The following NELL2 variants were observed in gnomAD, a reference collection of about 807,000 sequenced individuals.
NELL2 encodes neural EGFL like 2.
Under a neutral mutation model 109.6 loss-of-function variants are expected in NELL2, and 41 were observed. That is an observed-to-expected ratio of 0.37 (90% CI 0.29 to 0.49). The LOEUF is 0.49. Ranked by LOEUF, NELL2 falls within the 20% of genes least tolerant of loss-of-function variation. The pLI is 0.98. For missense variants in NELL2, 900 were observed against 1,008.3 expected (o/e 0.89, Z 1.45); for synonymous variants, 355 against 344.7 (o/e 1.03, Z -0.33).
intron 9 of NELL2, among the ~76,000 whole-genome samples, chr12:44,772,443 A>G (rs1410218036): frequency 6.6e-6 from 1 of 152,216 alleles, no homozygotes; most frequent in East Asian, 1.9e-4. Context: ...ACTTTTCAGA[A>G]GCACATTTTC....
intron 12 of NELL2, among the ~76,000 whole-genome samples, chr12:44,681,436 C>CT (rs1362202751): frequency 6.7e-6 from 1 of 149,710 alleles, no homozygotes; most frequent in Non-Finnish European, 1.5e-5. Flanking sequence ...TATTATTATA[C>CT]TTTAAGTTTT....
chr12:44,747,155 T>A (rs992297096), intron 9 of NELL2, among the ~76,000 whole-genome samples: 1 of 152,160 alleles, frequency 6.6e-6, no homozygotes, highest in Non-Finnish European at 1.5e-5. Context: ...TGTGGGGACA[T>A]GGATGAAACT....
intron 2 of NELL2, among the ~76,000 whole-genome samples, chr12:44,839,986 C>T (rs1944172992): frequency 6.6e-6 from 1 of 152,192 alleles, no homozygotes; most frequent in South Asian, 2.1e-4. Context: ...CCCTTTCAAC[C>T]TCATCCCGGG....
chr12:44,814,811 G>A (rs1171299945), intron 3 of NELL2, among the ~76,000 whole-genome samples: 3 of 152,144 alleles, frequency 2.0e-5, no homozygotes, highest in East Asian at 3.9e-4. Flanking sequence ...ATTTTCTTAC[G>A]TTTGCTCTTT....
chr12:44,882,303 G>A (rs1022898594), intron 1 of NELL2, among the ~76,000 whole-genome samples: 1 of 150,798 alleles, frequency 6.6e-6, no homozygotes, highest in African/African-American at 2.5e-5. Flanking sequence ...CCACAACTTT[G>A]GTGGATTAAA....
chr12:44,920,844 A>C (rs940040632), intron 1 of NELL2, among the ~76,000 whole-genome samples: 1 of 152,194 alleles, frequency 6.6e-6, no homozygotes, highest in Non-Finnish European at 1.5e-5. Context: ...AATCCATAAA[A>C]TGAAATACTT....
At chr12:44,868,435 G>A (rs1282937046) in intron 2 of NELL2, among the ~76,000 whole-genome samples, 2 of 152,038 alleles carry the variant, frequency 1.3e-5, no homozygotes, top group African/African-American at 4.8e-5. Context: ...TCATCCATTG[G>A]TGACCATTAA....
chr12:44,533,865 CAT>C (rs113826392), intron 15 of NELL2, among the ~76,000 whole-genome samples: 7,480 of 152,150 alleles, frequency 0.049, 614 homozygotes, highest in African/African-American at 0.17. Context: ...AAAATATCCA[CAT>C]GTCTCCCACT....
chr12:44,622,384 G>C (rs1042848458), intron 13 of NELL2, among the ~76,000 whole-genome samples: 1 of 152,036 alleles, frequency 6.6e-6, no homozygotes, highest in African/African-American at 2.4e-5. Flanking sequence ...AGAAAGAAAA[G>C]GCTTTCACTA....
intron 15 of NELL2, among the ~76,000 whole-genome samples, chr12:44,549,300 G>A (rs184999346): frequency 1.3e-5 from 2 of 152,102 alleles, no homozygotes; most frequent in East Asian, 3.9e-4. Context: ...GAGTGGTCAG[G>A]GTTTTTAGAA....
chr12:44,857,930 T>C (rs895377931), intron 2 of NELL2, among the ~76,000 whole-genome samples: 4 of 152,170 alleles, frequency 2.6e-5, no homozygotes, highest in Non-Finnish European at 4.4e-5. Context: ...CATGCCCAGA[T>C]GACCTTCACC....
chr12:44,818,309 T>C (rs1235356554), intron 2 of NELL2, among the ~76,000 whole-genome samples: 2 of 152,234 alleles, frequency 1.3e-5, no homozygotes, highest in Non-Finnish European at 2.9e-5. Flanking sequence ...CATTTTAATT[T>C]AATAGATAAA....
At chr12:44,898,976 G>A (rs1013436409) in intron 1 of NELL2, among the ~76,000 whole-genome samples, 4 of 151,900 alleles carry the variant, frequency 2.6e-5, no homozygotes, top group Non-Finnish European at 5.9e-5. Context: ...AGTATCAATA[G>A]CCAAATTGGT....
Position 44,670,243 on chromosome 12 carries a change from G to T in NELL2, c.1319-4634C>A, listed in dbSNP as rs11182602. Among the ~76,000 whole-genome samples, 185 of 152,092 alleles carry T rather than the reference G, an allele frequency of 1.2e-3. 3 individuals carry two copies. The East Asian group carries it at 0.027, about 22-fold the overall frequency. On this transcript the variant is annotated intron_variant, in intron 12 of 19. Transcript: ENST00000429094. ...ACCAGCCCTACAAAAAATGTTTAAG[G>T]TAATCCTATATCTGAAAGTGAAAGA...
intron 9 of NELL2, among the ~76,000 whole-genome samples, chr12:44,773,244 G>A (rs1330224144): frequency 6.6e-6 from 1 of 152,202 alleles, no homozygotes; most frequent in Non-Finnish European, 1.5e-5. Flanking sequence ...GGGAGGCTGA[G>A]GCGGGCGGAT....
At chr12:44,751,593 G>C (rs1159188560) in intron 9 of NELL2, among the ~76,000 whole-genome samples, 1 of 152,052 alleles carries the variant, frequency 6.6e-6, no homozygotes, top group Non-Finnish European at 1.5e-5. Context: ...GGATGACCAA[G>C]ATAACATTTC....
chr12:44,904,961 G>T (rs1227182268), intron 1 of NELL2, among the ~76,000 whole-genome samples: 2 of 152,054 alleles, frequency 1.3e-5, no homozygotes, highest in Admixed American at 1.3e-4. Flanking sequence ...TCCAGTGAGA[G>T]TTAAACAGTT....
chr12:44,906,747 C>T (rs565821426), intron 1 of NELL2, among the ~76,000 whole-genome samples: 1 of 152,122 alleles, frequency 6.6e-6, no homozygotes, highest in African/African-American at 2.4e-5. Context: ...AAGTCCGGGA[C>T]ATATTAACCT....
intron 13 of NELL2, among the ~76,000 whole-genome samples, chr12:44,636,368 C>A (rs999784658): frequency 1.3e-5 from 2 of 152,124 alleles, no homozygotes; most frequent in Non-Finnish European, 2.9e-5. Context: ...TACCAGTTTT[C>A]AAAGGACTGC....
Sources: allele counts gnomAD v4.1 joint callset (sites outside exome capture counted in the v4.1 genomes callset), GRCh38; gene constraint gnomAD v4.1.1; transcripts MANE v1.5; gene names NCBI Gene and HGNC (gene_info 2026-07-23, HGNC 2026-07-21).